Variants in GRID1 observed in about 807,000 individuals in gnomAD.
GRID1 encodes the protein glutamate receptor ionotropic, delta-1.
A neutral mutation model predicts 98.0 loss-of-function variants in GRID1; 28 were observed. The ratio of observed to expected loss-of-function variants is 0.29; its 90% confidence interval spans 0.21 to 0.39. GRID1 has a LOEUF of 0.39. Among genes scored for constraint, GRID1 ranks in the 10% least tolerant of loss-of-function variants. The pLI is 1.00. For synonymous variants in GRID1, 553 were observed against 538.5 expected, an observed-to-expected ratio of 1.03 and a Z score of -0.37; for missense variants, 1,111 against 1,340.5, an observed-to-expected ratio of 0.83 and a Z score of 2.67.
At chr10:86,142,560 G>A (rs1244978168) in intron 3 of GRID1, among the ~76,000 whole-genome samples, 1 of 152,226 alleles carries the variant, frequency 6.6e-6, no homozygotes, top group African/African-American at 2.4e-5. Context: ...ACAGCTGCAG[G>A]ATGGGCATAA....
At chr10:85,750,645 G>T (rs1842037976) in intron 8 of GRID1, among the ~76,000 whole-genome samples, 1 of 151,972 alleles carries the variant, frequency 6.6e-6, no homozygotes, top group Admixed American at 6.6e-5. Flanking sequence ...GACAATACAG[G>T]GTAAACTGAT....
intron 4 of GRID1, among the ~76,000 whole-genome samples, chr10:85,956,141 T>C (rs1366991276): frequency 6.6e-6 from 1 of 152,248 alleles, no homozygotes; most frequent in Non-Finnish European, 1.5e-5. Context: ...ATTATACTCA[T>C]ATCTTGTTTT....
intron 12 of GRID1, among the ~76,000 whole-genome samples, chr10:85,674,362 C>T (rs957005540): frequency 3.3e-5 from 5 of 152,062 alleles, no homozygotes; most frequent in South Asian, 4.1e-4. Flanking sequence ...AGAAGAAATC[C>T]GATGAATAAG....
At chr10:85,831,846 A>C (rs1842870078) in intron 8 of GRID1, among the ~76,000 whole-genome samples, 1 of 152,112 alleles carries the variant, frequency 6.6e-6, no homozygotes, top group African/African-American at 2.4e-5. Context: ...CTTTAAATGA[A>C]AGAAAAATAA....
intron 3 of GRID1, among the ~76,000 whole-genome samples, chr10:86,160,564 C>A (rs923621697): frequency 6.6e-6 from 1 of 152,222 alleles, no homozygotes; most frequent in Admixed American, 6.5e-5. Context: ...CAGCAACCTG[C>A]TGGTGGTCAC....
intron 5 of GRID1, among the ~76,000 whole-genome samples, chr10:85,897,985 G>C (rs1393224131): frequency 6.6e-6 from 1 of 152,076 alleles, no homozygotes; most frequent in African/African-American, 2.4e-5. Flanking sequence ...TAATGACAGG[G>C]ATATGTTCTG....
intron 6 of GRID1, among the ~76,000 whole-genome samples, chr10:85,867,659 T>A (rs912877998): frequency 6.6e-6 from 1 of 152,228 alleles, no homozygotes; most frequent in Non-Finnish European, 1.5e-5. Context: ...CTCTTGCCTT[T>A]CACTCTGACT....
Position 85,878,315 on chromosome 10 carries a change from T to C in GRID1, c.781-9135A>G, listed in dbSNP as rs527561509. Among the ~76,000 whole-genome samples, 133 of 151,988 alleles carry C rather than the reference T, an allele frequency of 8.8e-4. 2 individuals are homozygous for C. The South Asian group carries it at 0.027, about 31-fold the overall frequency. On this transcript the variant is annotated intron_variant, in intron 5 of 15. Transcript: ENST00000327946. Reference sequence around the variant, plus strand: ...AGAAGAGCAACTCCAAGACACATAATTGTCAGATTCACCAAAGTTGAAATG... The same window carrying C: ...AGAAGAGCAACTCCAAGACACATAACTGTCAGATTCACCAAAGTTGAAATG...
intron 4 of GRID1, among the ~76,000 whole-genome samples, chr10:86,054,785 C>T: frequency 6.6e-6 from 1 of 152,220 alleles, no homozygotes; most frequent in East Asian, 1.9e-4. Context: ...GGTCCCACTT[C>T]CCAGTCCTCT....
At chr10:86,311,889 A>G (rs1847837042) in intron 2 of GRID1, among the ~76,000 whole-genome samples, 1 of 152,232 alleles carries the variant, frequency 6.6e-6, no homozygotes, top group South Asian at 2.1e-4. Context: ...TGGCAGCCTC[A>G]CAATCTGTTT....
chr10:85,738,064 C>T (rs901160211), intron 8 of GRID1, among the ~76,000 whole-genome samples: 5 of 152,056 alleles, frequency 3.3e-5, no homozygotes, highest in Admixed American at 3.3e-4. Context: ...CTCATCAGCT[C>T]TTCTCCACCA....
intron 4 of GRID1, among the ~76,000 whole-genome samples, chr10:86,108,211 A>G (rs1433556995): frequency 6.6e-6 from 1 of 152,256 alleles, no homozygotes; most frequent in East Asian, 1.9e-4. Context: ...CGGGGCACTG[A>G]AGAAGCGAGC....
intron 2 of GRID1, among the ~76,000 whole-genome samples, chr10:86,304,214 C>T (rs1847728956): frequency 6.6e-6 from 1 of 152,216 alleles, no homozygotes. Context: ...CCCCTCGGCT[C>T]ACTGTGTGAT....
intron 4 of GRID1, among the ~76,000 whole-genome samples, chr10:85,962,114 G>A (rs1305553381): frequency 1.3e-5 from 2 of 152,144 alleles, no homozygotes; most frequent in Admixed American, 1.3e-4. Context: ...TGGGCCACTC[G>A]CTCTCCTTTG....
At chr10:86,119,781 T>C (rs1844639027) in intron 4 of GRID1, among the ~76,000 whole-genome samples, 1 of 151,762 alleles carries the variant, frequency 6.6e-6, no homozygotes, top group Non-Finnish European at 1.5e-5. Context: ...GTTCCCACTG[T>C]TGTGTTTTTG....
intron 2 of GRID1, among the ~76,000 whole-genome samples, chr10:86,354,870 G>A (rs1486013090): frequency 6.6e-6 from 1 of 152,186 alleles, no homozygotes. Context: ...GCCTCCATAT[G>A]AGCCATGTCG....
At chr10:85,612,682 C>T (rs1022614106) in intron 15 of GRID1, among the ~76,000 whole-genome samples, 1 of 151,812 alleles carries the variant, frequency 6.6e-6, no homozygotes, top group Non-Finnish European at 1.5e-5. Context: ...CTACTTTCCA[C>T]CCTTCCGTAG....
chr10:85,607,870 T>C (rs1590156612), intron 15 of GRID1, among the ~76,000 whole-genome samples: 1 of 149,870 alleles, frequency 6.7e-6, no homozygotes, highest in Non-Finnish European at 1.5e-5. Flanking sequence ...CAGGCTAGAG[T>C]GCAGTGGCCC....
chr10:85,711,467 A>G (rs1057401717), intron 12 of GRID1, among the ~76,000 whole-genome samples: 1 of 151,970 alleles, frequency 6.6e-6, no homozygotes, highest in Admixed American at 6.5e-5. Flanking sequence ...GGTTTCCAGC[A>G]TCCAGAGAAA....
Sources: gnomAD v4.1 joint callset for allele counts (sites outside exome capture counted in the v4.1 genomes callset) on GRCh38, gnomAD v4.1.1 for gene constraint, MANE v1.5 for transcripts, NCBI Gene and HGNC (gene_info 2026-07-23, HGNC 2026-07-21) for gene names.